STK11IP: variants seen among roughly 807,000 people sequenced by gnomAD.
The protein encoded by STK11IP is serine/threonine kinase 11 interacting protein.
In STK11IP, 103 loss-of-function variants were observed where a neutral mutation model predicts 131.7. That is an observed-to-expected ratio of 0.78 (90% confidence interval 0.67 to 0.92). STK11IP has a LOEUF of 0.92. Among genes scored for constraint, STK11IP ranks in the 40% least tolerant of loss-of-function variants. The pLI is 0.00. For missense variants in STK11IP, 1,315 were observed against 1,385.7 expected (o/e 0.95, Z 0.81); for synonymous variants, 557 against 575.6 (o/e 0.97, Z 0.46).
intron 17 of STK11IP, among the ~76,000 whole-genome samples, 188 bp from the exon 18 acceptor site, chr2:219,611,416 G>A (rs676903): frequency 0.97 from 148,045 of 152,160 alleles, 72,166 homozygotes; most frequent in East Asian, 1. Context: ...CCTCCCTGGG[G>A]TGGGGAGTGA....
intron 24 of STK11IP, 89 bp from the exon 25 acceptor site, chr2:219,615,955 A>C: frequency 2.0e-6 from 3 of 1,534,252 alleles, no homozygotes; most frequent in Non-Finnish European, 1.8e-6. Context: ...GCCAAGGTGG[A>C]GACAGTGAGG....
chr2:219,600,742 G>T (rs1697958305), intron 2 of STK11IP, among the ~76,000 whole-genome samples: 1 of 152,198 alleles, frequency 6.6e-6, no homozygotes, highest in African/African-American at 2.4e-5. Context: ...TTCTACAGAT[G>T]TGCTTTGCAA....
chr2:219,602,679 C>G (rs755238667), intron 6 of STK11IP, 26 bp from the exon 7 acceptor site: 7 of 1,613,458 alleles, frequency 4.3e-6, no homozygotes, highest in South Asian at 1.1e-5. Flanking sequence ...AACATCGATT[C>G]TCTGCCTCCT....
chr2:219,607,801 C>CA (rs1403879698), intron 13 of STK11IP, among the ~76,000 whole-genome samples: 1 of 152,176 alleles, frequency 6.6e-6, no homozygotes, highest in Non-Finnish European at 1.5e-5. Context: ...TCGGGCCCTT[C>CA]AGGATGCTAT....
rs1226868647 is a variant in STK11IP at position 219,611,714 on chromosome 2, T to A, written c.2215T>A (p.Ser739Thr). 3.7e-6 allele frequency: 6 copies of A among 1,611,970 alleles called. No individual in the cohort carries two copies. Among genetic ancestry groups the A allele is most frequent in the Non-Finnish European group, 4.2e-6 (5 of 1,179,838 alleles). ...RKQGEQSLAP[S>T]PSASPVCHPP... Reference sequence around the variant, plus strand: ...ACAGGGAGAGCAGTCTCTGGCTCCTTCTCCGTCTGCCAGCCCTGTCTGCCA... The same window carrying A: ...ACAGGGAGAGCAGTCTCTGGCTCCTACTCCGTCTGCCAGCCCTGTCTGCCA... Residue 739 changes from serine to threonine, a missense_variant, in exon 18 of 25, where the codon TCT becomes ACT. Ser to Thr is a moderately conservative substitution (Grantham distance 58). Coordinates refer to ENST00000456909, the MANE Select transcript of STK11IP (RefSeq NM_052902.4).
chr2:219,615,053 C>A, intron 23 of STK11IP, 41 bp from the exon 24 acceptor site: 1 of 1,584,976 alleles, frequency 6.3e-7, no homozygotes, highest in African/African-American at 1.3e-5. Context: ...GGATCTGGGC[C>A]CCTCCATGAC....
In STK11IP at chr2:219,608,787, C is replaced by G. The variant is rs376437119; in HGVS notation, c.1808C>G (p.Thr603Arg). ...EAQAQRSPRP[T>R]GSDLLPGAPI... The stretch of plus-strand genomic sequence containing the variant: ...CAGGCCCAGAGGTCGCCCAGGCCCA[C>G]GGTGAGTGGGGCGTGGCAGGGTCTC... The change falls in exon 15 of 25, where the codon ACG becomes AGG. Residue 603 changes from threonine (T) to arginine (R), a missense_variant and splice_region_variant. Thr to Arg is a moderately conservative substitution (Grantham distance 71). Coordinates refer to ENST00000456909, the MANE Select transcript of STK11IP (RefSeq NM_052902.4). The G allele has an allele frequency of 6.3e-7, 1 of 1,599,028 alleles. No homozygotes were observed. Among genetic ancestry groups the G allele is most frequent in the Non-Finnish European group, 8.5e-7 (1 of 1,173,804 alleles).
In STK11IP at chr2:219,613,112, C is replaced by A; in HGVS notation, c.2440-16C>A. 3 of 1,609,264 alleles carry A rather than the reference C, an allele frequency of 1.9e-6. No individual in the cohort carries two copies. The highest frequency in any genetic ancestry group is 2.2e-5 in the South Asian group (2 of 90,648). Reference sequence around the variant, plus strand: ...GGCCTCTCATCAGGTTTCTCACCAACTTCCTCTTCCCCCAGGTGCCAGTGG... The same window carrying A: ...GGCCTCTCATCAGGTTTCTCACCAAATTCCTCTTCCCCCAGGTGCCAGTGG... On this transcript the variant is annotated splice_polypyrimidine_tract_variant and intron_variant, in intron 19 of 24. Coordinates refer to ENST00000456909, the MANE Select transcript of STK11IP (RefSeq NM_052902.4).
chr2:219,608,129 G>C lies in STK11IP; in HGVS notation c.1302G>C (p.Arg434Ser). The change falls in exon 14 of 25, where the codon AGG becomes AGC. Residue 434 changes from arginine (R) to serine (S), a missense_variant. Arg to Ser is a moderately radical substitution (Grantham distance 110, BLOSUM62 -1). Coordinates refer to ENST00000456909, the MANE Select transcript of STK11IP (RefSeq NM_052902.4). ...ERFGRNWLQY[R>S]SHLEPSGNPL... ...TCGGCCGCAACTGGCTGCAGTACAGGAGTCACCTGGAGCCCTCCGGAAACC... is the reference window on the plus strand; with the variant it reads ...TCGGCCGCAACTGGCTGCAGTACAGCAGTCACCTGGAGCCCTCCGGAAACC... 2 of 1,613,424 alleles carry C rather than the reference G, an allele frequency of 1.2e-6. No individual in the cohort carries two copies. The highest frequency in any genetic ancestry group is 1.7e-6 in the Non-Finnish European group (2 of 1,179,892).
intron 2 of STK11IP, among the ~76,000 whole-genome samples, chr2:219,600,600 G>A (rs1052199218): frequency 2.0e-5 from 3 of 152,172 alleles, no homozygotes; most frequent in African/African-American, 7.2e-5. Flanking sequence ...ATGAATACCA[G>A]AGTGATCAAA....
chr2:219,611,649 T>A lies in STK11IP; in HGVS notation c.2150T>A (p.Leu717His). Residue 717 changes from leucine (L) to histidine (H), a missense_variant, in exon 18 of 25, where the codon CTC (leucine) becomes CAC (histidine). Physicochemically the swap from Leu to His is moderately conservative, Grantham distance 99. Coordinates refer to ENST00000456909, the MANE Select transcript of STK11IP (RefSeq NM_052902.4). ...CPNCGSDHVV[L>H]LAVSRGTPNR... ...AACTGTGGTAGTGACCACGTGGTTC[T>A]CCTCGCTGTGTCTCGGGGAACCCCC... is the stretch of plus-strand genomic sequence containing the variant. The A allele has an allele frequency of 6.2e-7, 1 of 1,613,106 alleles. No individual in the cohort carries two copies. The highest frequency in any genetic ancestry group is 8.5e-7 in the Non-Finnish European group (1 of 1,179,836).
chr2:219,606,558 C>A, intron 11 of STK11IP, 41 bp downstream of exon 11: 1 of 1,611,788 alleles, frequency 6.2e-7, no homozygotes, highest in Non-Finnish European at 8.5e-7. Flanking sequence ...GGGGAAGACA[C>A]GAAGGGAGGG....
At chr2:219,599,070 T>C (rs1697893859) in intron 2 of STK11IP, among the ~76,000 whole-genome samples, 1 of 152,176 alleles carries the variant, frequency 6.6e-6, no homozygotes, top group Non-Finnish European at 1.5e-5. Context: ...GGAAGCTCTC[T>C]TTATAGCAGT....
At chr2:219,609,241 G>C in intron 16 of STK11IP, 28 bp downstream of exon 16, 1 of 1,578,064 alleles carries the variant, frequency 6.3e-7, no homozygotes, top group Non-Finnish European at 8.6e-7. Context: ...GGGGGCCCAG[G>C]AGGCTGTGGG....
intron 17 of STK11IP, among the ~76,000 whole-genome samples, chr2:219,611,257 T>A (rs1698386357): frequency 6.6e-6 from 1 of 152,204 alleles, no homozygotes; most frequent in South Asian, 2.1e-4. Flanking sequence ...TTTCAGACGT[T>A]GCTAGGAGAG....
intron 19 of STK11IP, 45 bp downstream of exon 19, chr2:219,612,103 G>A (rs767471477): frequency 9.8e-6 from 15 of 1,537,136 alleles, no homozygotes; most frequent in Non-Finnish European, 1.2e-5. Context: ...TGTCCAGGGT[G>A]CCCACTCGTT....
At position 219,605,647 on chromosome 2, in the gene STK11IP, C is replaced by T. The variant is rs201840323; in HGVS notation, c.658C>T (p.Arg220Cys). 6.6e-4 allele frequency: 1,032 copies of T among 1,554,228 alleles called. No individual in the cohort carries two copies. Among genetic ancestry groups the T allele is most frequent in the Non-Finnish European group, 8.4e-4 (968 of 1,148,358 alleles). Residue 220 changes from arginine to cysteine, a missense_variant, in exon 8 of 25, where the codon CGC becomes TGC. Transcript: ENST00000456909. ...CCACCATCTGGACATCTCCTATAAT[C>T]GCCTGCATTTGGTGCCAAGAATGGG... ...ELHHLDISYN[R>C]LHLVPRMGPS...
intron 13 of STK11IP, 87 bp downstream of exon 13, chr2:219,607,224 A>G: frequency 7.4e-7 from 1 of 1,359,326 alleles, no homozygotes; most frequent in Admixed American, 1.9e-5. Context: ...GCTGGAAGAA[A>G]TGTTATTTTT....
Position 219,611,733 on chromosome 2 carries a change from T to C in STK11IP, c.2234T>C (p.Val745Ala). 6.2e-7 allele frequency: 1 copy of C among 1,613,014 alleles called. No homozygotes were observed. Among genetic ancestry groups the C allele is most frequent in the Non-Finnish European group, 8.5e-7 (1 of 1,179,852 alleles). ...GCTCCTTCTCCGTCTGCCAGCCCTG[T>C]CTGCCACCCTCCTGGCCATGGTGAC... is the stretch of plus-strand genomic sequence containing the variant. ...SLAPSPSASP[V>A]CHPPGHGDHL... is the part of the protein sequence containing the mutation. Residue 745 changes from valine to alanine, a missense_variant, in exon 18 of 25, where the codon GTC (valine) becomes GCC (alanine). Transcript: ENST00000456909.
Sources: allele counts gnomAD v4.1 joint callset (sites outside exome capture counted in the v4.1 genomes callset), GRCh38; gene constraint gnomAD v4.1.1; transcripts MANE v1.5; gene names NCBI Gene and HGNC (gene_info 2026-07-23, HGNC 2026-07-21).